The following GOLPH3 variants were observed in gnomAD, a reference collection of about 807,000 sequenced individuals.
The protein encoded by GOLPH3 is coat protein GPP34.
In GOLPH3, 14 loss-of-function variants were observed where a neutral mutation model predicts 28.5. The ratio of observed to expected loss-of-function variants is 0.49; its 90% CI spans 0.32 to 0.77. The LOEUF (loss-of-function observed/expected upper bound fraction) is 0.77, where lower values mean the gene tolerates loss of function less well. Among genes scored for constraint, GOLPH3 ranks in the 30% least tolerant of loss-of-function variants. The pLI, the probability that GOLPH3 is intolerant of heterozygous loss-of-function variation, is 0.03. For missense variants in GOLPH3, 350 were observed against 393.7 expected, an observed-to-expected ratio of 0.89 and a Z score of 0.94; for synonymous variants, 158 against 159.2, an observed-to-expected ratio of 0.99 and a Z score of 0.06.
Position 32,129,232 on chromosome 5 carries a change from G to T in GOLPH3, c.473-2596C>A, listed in dbSNP as rs146524328. ...AAAACAAAACCAAAAAAACCCTAGTGTCCTAGTGCAAGTCATCTTAATCTA... is the reference window on the plus strand; with the variant it reads ...AAAACAAAACCAAAAAAACCCTAGTTTCCTAGTGCAAGTCATCTTAATCTA... On this transcript the variant is annotated intron_variant, in intron 3 of 3. Transcript: ENST00000265070. Among the ~76,000 whole-genome samples, 387 of 152,080 alleles carry T rather than the reference G, an allele frequency of 2.5e-3. 1 individual carries two copies. Among genetic ancestry groups the T allele is most frequent in the African/African-American group, 8.2e-3 (340 of 41,500 alleles).
At chr5:32,129,653 G>T (rs761883305) in intron 3 of GOLPH3, among the ~76,000 whole-genome samples, 6 of 152,084 alleles carry the variant, frequency 3.9e-5, no homozygotes, top group Non-Finnish European at 7.4e-5. Context: ...AATGTTATGG[G>T]GTATTTCATA....
chr5:32,143,495 A>G (rs952928478), intron 2 of GOLPH3, among the ~76,000 whole-genome samples: 1 of 151,970 alleles, frequency 6.6e-6, no homozygotes, highest in Non-Finnish European at 1.5e-5. Context: ...AAATAAATAA[A>G]AGCTGCAAAT....
intron 1 of GOLPH3, among the ~76,000 whole-genome samples, chr5:32,159,212 T>C (rs1746521364): frequency 6.6e-6 from 1 of 152,236 alleles, no homozygotes; most frequent in Non-Finnish European, 1.5e-5. Flanking sequence ...ACCCGAAGTG[T>C]TTCAGATTCT....
At chr5:32,155,956 CAAAAAAAAAAAAAAAAAAAAAA>C (rs70961608) in intron 1 of GOLPH3, among the ~76,000 whole-genome samples, 12 of 47,820 alleles carry the variant, frequency 2.5e-4, no homozygotes, top group Admixed American at 4.2e-4. Context: ...AACACTGTCT[CAAAAAAAAAAAAAAAAAAAAAA>C]AAAAAAAAAA....
chr5:32,126,416 G>A lies in GOLPH3; in HGVS notation c.693C>T (p.Arg231=), dbSNP rs747061812. The part of the protein sequence containing the change: ...VLDKWVNDPH[R]MDRRLLALIY... ...TGAGGGCCAGCAAGCGCCTGTCCAT[G>A]CGGTGAGGGTCATTCACCCATTTGT... Residue 231 remains arginine, a synonymous_variant, in exon 4 of 4, where the codon CGC becomes CGT. Transcript: ENST00000265070. The A allele has an allele frequency of 2.2e-5, 36 of 1,614,080 alleles. No homozygotes were observed. Among genetic ancestry groups the A allele is most frequent in the Non-Finnish European group, 2.7e-5 (32 of 1,180,042 alleles).
At position 32,174,252 on chromosome 5, in the gene GOLPH3, C is replaced by G. The variant is rs1018392908; in HGVS notation, c.-218G>C. ...GGGGCAGGAGAGGAGCGCCTTCCTG[C>G]CTGTGGCCGCAGTCCCCGAAACACC... On this transcript the variant is annotated 5_prime_UTR_variant, in exon 1 of 4. Coordinates refer to ENST00000265070, the MANE Select transcript of GOLPH3 (RefSeq NM_022130.4). The G allele has an allele frequency of 1.4e-5, 5 of 364,024 alleles. No homozygotes were observed. Among genetic ancestry groups the G allele is most frequent in the African/African-American group, 2.1e-5 (1 of 47,300 alleles). The allele number at this position is 364,024 out of a possible 1,614,324, so 22.5% of individuals were successfully genotyped here.
intron 2 of GOLPH3, among the ~76,000 whole-genome samples, chr5:32,136,521 G>A (rs1001975345): frequency 2.7e-5 from 4 of 150,366 alleles, no homozygotes; most frequent in Non-Finnish European, 5.9e-5. Context: ...AATTAGTAAA[G>A]CAACATACTA....
At chr5:32,137,475 A>G (rs1352337117) in intron 2 of GOLPH3, among the ~76,000 whole-genome samples, 1 of 151,966 alleles carries the variant, frequency 6.6e-6, no homozygotes, top group Non-Finnish European at 1.5e-5. Flanking sequence ...CCTGGCCAAC[A>G]TGGTGAAACC....
In GOLPH3 at chr5:32,132,209, G is replaced by T. The variant is rs1002033739; in HGVS notation, c.472+3363C>A. 3.3e-5 allele frequency among the ~76,000 whole-genome samples: 5 copies of T among 152,064 alleles called. No individual in the cohort carries two copies. In the South Asian group the frequency reaches 1.0e-3, roughly 32 times the overall value. On this transcript the variant is annotated intron_variant, in intron 3 of 3. Transcript: ENST00000265070. ...GTCTCTCGACTTGCCTCAAACTTATGTATACTAATTTTAAATTATTAGAAA... is the reference window on the plus strand; with the variant it reads ...GTCTCTCGACTTGCCTCAAACTTATTTATACTAATTTTAAATTATTAGAAA...
chr5:32,166,595 G>A (rs1488459290), intron 1 of GOLPH3, among the ~76,000 whole-genome samples: 2 of 152,100 alleles, frequency 1.3e-5, no homozygotes, highest in Non-Finnish European at 2.9e-5. Flanking sequence ...ATCACTTGAG[G>A]TCAAGAGTTC....
chr5:32,151,418 C>T (rs140016223), intron 1 of GOLPH3, among the ~76,000 whole-genome samples: 83 of 152,100 alleles, frequency 5.5e-4, no homozygotes, highest in Admixed American at 9.2e-4. Flanking sequence ...CCTAGCTACT[C>T]GGGAGGACTT....
chr5:32,138,962 G>A (rs1016313807), intron 2 of GOLPH3, among the ~76,000 whole-genome samples: 4 of 152,172 alleles, frequency 2.6e-5, no homozygotes, highest in African/African-American at 7.2e-5. Flanking sequence ...CACTTCTTAC[G>A]TCCCACTCAT....
intron 1 of GOLPH3, among the ~76,000 whole-genome samples, chr5:32,170,558 C>G (rs1309938639): frequency 6.6e-6 from 1 of 152,116 alleles, no homozygotes; most frequent in Non-Finnish European, 1.5e-5. Flanking sequence ...TTCCTGCCTC[C>G]TAAAAAGAGT....
Position 32,155,956 on chromosome 5 carries a change from C to CAAAAAAAAAA in GOLPH3, c.226-12086_226-12077dup, listed in dbSNP as rs70961608. 3.6e-4 allele frequency among the ~76,000 whole-genome samples: 17 copies of CAAAAAAAAAA among 47,816 alleles called. 1 individual carries two copies. The highest frequency in any genetic ancestry group is 5.6e-4 in the Non-Finnish European group (13 of 23,254). 31.4% of individuals were successfully genotyped at this position (47,816 alleles called of 152,430 possible). On this transcript the variant is annotated intron_variant, in intron 1 of 3. Transcript: ENST00000265070. ...GGGCAACAAGAGTGAAACACTGTCT[C>CAAAAAAAAAA]AAAAAAAAAAAAAAAAAAAAAAAAA...
intron 1 of GOLPH3, among the ~76,000 whole-genome samples, chr5:32,161,811 A>G (rs965003509): frequency 6.6e-6 from 1 of 150,814 alleles, no homozygotes; most frequent in African/African-American, 2.5e-5. Flanking sequence ...GCGGACCACG[A>G]GGTCAGGAGA....
intron 2 of GOLPH3, among the ~76,000 whole-genome samples, chr5:32,135,972 C>T (rs1328582210): frequency 6.6e-6 from 1 of 152,054 alleles, no homozygotes; most frequent in Non-Finnish European, 1.5e-5. Context: ...GCCAGGAATT[C>T]GATACCAGCC....
chr5:32,161,172 G>A (rs1376411504), intron 1 of GOLPH3, among the ~76,000 whole-genome samples: 1 of 150,780 alleles, frequency 6.6e-6, no homozygotes, highest in Non-Finnish European at 1.5e-5. Context: ...GGAGGACGAG[G>A]AGGGAGGATC....
At chr5:32,156,160 T>C (rs1380540851) in intron 1 of GOLPH3, among the ~76,000 whole-genome samples, 1 of 151,814 alleles carries the variant, frequency 6.6e-6, no homozygotes, top group Non-Finnish European at 1.5e-5. Context: ...CCTCACCAAT[T>C]TCTTGTTCTT....
chr5:32,125,662 G>A lies in GOLPH3; in HGVS notation c.*550C>T, dbSNP rs565425048. 6.5e-6 allele frequency: 1 copy of A among 152,806 alleles called. No homozygotes were observed. Among genetic ancestry groups the A allele is most frequent in the African/African-American group, 2.4e-5 (1 of 41,548 alleles). 9.5% of individuals were successfully genotyped at this position (152,806 alleles called of 1,614,324 possible). On this transcript the variant is annotated 3_prime_UTR_variant, in exon 4 of 4. Coordinates refer to ENST00000265070, the MANE Select transcript of GOLPH3 (RefSeq NM_022130.4). ...GTGTAATAATACAATAGATTTACAT[G>A]GGAAGCAAAATCCAAGGGACATTTT...
Sources: gnomAD v4.1 joint callset for allele counts (sites outside exome capture counted in the v4.1 genomes callset) on GRCh38, gnomAD v4.1.1 for gene constraint, MANE v1.5 for transcripts, NCBI Gene and HGNC (gene_info 2026-07-23, HGNC 2026-07-21) for gene names.